The following SMCO2 variants were observed in gnomAD, a reference collection of about 807,000 sequenced individuals.
SMCO2 encodes single-pass membrane and coiled-coil domain-containing protein 2.
SMCO2 carries 25 observed loss-of-function variants against 29.5 expected under a neutral mutation model. The ratio of observed to expected loss-of-function variants is 0.85; its 90% CI spans 0.62 to 1.18. The LOEUF (loss-of-function observed/expected upper bound fraction) is 1.18. Ranked by LOEUF, SMCO2 falls within the 50% of genes most tolerant of loss-of-function variation. The pLI is 0.00. For synonymous variants in SMCO2, 117 were observed against 123.3 expected, an observed-to-expected ratio of 0.95 and a Z score of 0.34; for missense variants, 348 against 344.5, an observed-to-expected ratio of 1.01 and a Z score of -0.08.
intron 4 of SMCO2, among the ~76,000 whole-genome samples, chr12:27,478,966 A>G (rs887319128): frequency 2.6e-5 from 4 of 151,988 alleles, no homozygotes; most frequent in Admixed American, 2.0e-4. Flanking sequence ...ATGACTGCCA[A>G]TAATGGCAGG....
intron 4 of SMCO2, 76 bp downstream of exon 5, chr12:27,475,807 C>G (rs1163676962): frequency 5.3e-6 from 7 of 1,327,992 alleles, no homozygotes; most frequent in Non-Finnish European, 9.8e-7. Context: ...AAACTTTGGG[C>G]TTAAGATGAT....
chr12:27,499,452 T>C (rs1043443534), intron 7 of SMCO2, among the ~76,000 whole-genome samples: 4 of 150,590 alleles, frequency 2.7e-5, no homozygotes, highest in Non-Finnish European at 4.4e-5. Context: ...AGATGGTGAC[T>C]GCTCCAGGGA....
the SMCO2 span, among the ~76,000 whole-genome samples, chr12:27,426,011 C>T: frequency 3.9e-5 from 6 of 152,238 alleles, no homozygotes; most frequent in East Asian, 1.2e-3. Context: ...CTGGAATATA[C>T]AGATTAGCCA....
At chr12:27,459,809 G>T in the SMCO2 span, among the ~76,000 whole-genome samples, 1 of 152,130 alleles carries the variant, frequency 6.6e-6, no homozygotes, top group Admixed American at 6.5e-5. Flanking sequence ...GGGGAACACA[G>T]GGCATGCCTC....
chr12:27,475,394 A>T (rs1263002059), intron 4 of SMCO2, among the ~76,000 whole-genome samples, 188 bp from the exon 5 acceptor site: 1 of 152,202 alleles, frequency 6.6e-6, no homozygotes, highest in African/African-American at 2.4e-5. Flanking sequence ...GTCTTTAAAG[A>T]TCTGCTAAAG....
At chr12:27,441,819 C>G in the SMCO2 span, among the ~76,000 whole-genome samples, 1 of 152,146 alleles carries the variant, frequency 6.6e-6, no homozygotes, top group South Asian at 2.1e-4. Context: ...TAGACCATAT[C>G]TTAGGTCTGC....
chr12:27,471,010 G>T (rs1949536705), intron 2 of SMCO2, among the ~76,000 whole-genome samples: 1 of 152,024 alleles, frequency 6.6e-6, no homozygotes, highest in Non-Finnish European at 1.5e-5. Flanking sequence ...CTCAATTTGG[G>T]AAAATATGTG....
intron 4 of SMCO2, among the ~76,000 whole-genome samples, chr12:27,487,498 G>A (rs975593294): frequency 6.6e-6 from 1 of 152,132 alleles, no homozygotes; most frequent in African/African-American, 2.4e-5. Context: ...GTAATTTCCA[G>A]TTTGGGACTA....
exon 6 of SMCO2, chr12:27,494,321 T>A: frequency 6.6e-7 from 1 of 1,524,018 alleles, no homozygotes; most frequent in South Asian, 1.3e-5. Flanking sequence ...TAATGAAGTT[T>A]ATGAATTAAA....
chr12:27,479,579 C>T (rs1238266976), intron 4 of SMCO2, among the ~76,000 whole-genome samples: 2 of 152,154 alleles, frequency 1.3e-5, no homozygotes, highest in African/African-American at 2.4e-5. Flanking sequence ...GCTGTGTCCC[C>T]GCCCAAATCT....
intron 7 of SMCO2, chr12:27,497,854 A>G (rs946388887): frequency 2.0e-5 from 6 of 299,030 alleles, no homozygotes; most frequent in East Asian, 9.5e-5. Context: ...ACAGTGGACA[A>G]TCTCTGCACT....
At chr12:27,430,490 C>T in the SMCO2 span, among the ~76,000 whole-genome samples, 3 of 152,138 alleles carry the variant, frequency 2.0e-5, no homozygotes, top group South Asian at 4.2e-4. Context: ...GAGAATTGCT[C>T]GAACCCAGGA....
chr12:27,449,719 A>T, the SMCO2 span, among the ~76,000 whole-genome samples: 7 of 152,230 alleles, frequency 4.6e-5, no homozygotes, highest in Non-Finnish European at 8.8e-5. Context: ...AACACCAATT[A>T]TGTCCCACTC....
chr12:27,496,010 G>A (rs1273646284), intron 7 of SMCO2, among the ~76,000 whole-genome samples, 155 bp downstream of exon 8: 1 of 150,004 alleles, frequency 6.7e-6, no homozygotes, highest in Non-Finnish European at 1.5e-5. Flanking sequence ...GGAGTTCATT[G>A]GAGTCATGGG....
chr12:27,444,509 G>C, the SMCO2 span, among the ~76,000 whole-genome samples: 2 of 152,128 alleles, frequency 1.3e-5, no homozygotes, highest in Admixed American at 6.6e-5. Flanking sequence ...ATTACATCCA[G>C]CTAAAGAGCT....
intron 4 of SMCO2, among the ~76,000 whole-genome samples, chr12:27,483,787 T>G (rs1361893649): frequency 6.6e-6 from 1 of 152,170 alleles, no homozygotes; most frequent in Non-Finnish European, 1.5e-5. Flanking sequence ...AAACTATCAC[T>G]ATCTGCCTTC....
chr12:27,475,006 T>A (rs1338528959), intron 4 of SMCO2, 93 bp downstream of exon 4: 1 of 1,419,812 alleles, frequency 7.0e-7, no homozygotes, highest in East Asian at 2.5e-5. Context: ...TCTGGAAGAT[T>A]TAAAATCCAT....
intron 4 of SMCO2, among the ~76,000 whole-genome samples, chr12:27,475,194 A>G (rs1555173853): frequency 6.6e-6 from 1 of 152,164 alleles, no homozygotes; most frequent in Non-Finnish European, 1.5e-5. Flanking sequence ...AATTTTCTAG[A>G]TAGGAAAACC....
At chr12:27,475,272 C>A (rs978711338) in intron 4 of SMCO2, among the ~76,000 whole-genome samples, 1 of 152,140 alleles carries the variant, frequency 6.6e-6, no homozygotes, top group Non-Finnish European at 1.5e-5. Context: ...CCTCTCCTCC[C>A]CCAGAATGAT....
Sources: gnomAD v4.1 joint callset for allele counts (sites outside exome capture counted in the v4.1 genomes callset) on GRCh38, gnomAD v4.1.1 for gene constraint, MANE v1.5 for transcripts, NCBI Gene and HGNC (gene_info 2026-07-23, HGNC 2026-07-21) for gene names.